Variants in PTPRT observed in about 807,000 individuals in gnomAD.
PTPRT encodes receptor-type tyrosine-protein phosphatase T.
A neutral mutation model predicts 176.8 loss-of-function variants in PTPRT; 56 were observed. The ratio of observed to expected loss-of-function variants is 0.32; its 90% confidence interval spans 0.26 to 0.40. PTPRT has a LOEUF of 0.40. Ranked by LOEUF, PTPRT falls within the 10% of genes least tolerant of loss-of-function variation. The pLI, the probability that PTPRT is intolerant of heterozygous loss-of-function variation, is 1.00. For synonymous variants in PTPRT, 783 were observed against 739.0 expected, an observed-to-expected ratio of 1.06 and a Z score of -0.96; for missense variants, 1,540 against 1,908.2, an observed-to-expected ratio of 0.81 and a Z score of 3.60.
At chr20:42,756,402 T>G in intron 6 of PTPRT, 60 bp downstream of exon 6, 1 of 1,432,554 alleles carries the variant, frequency 7.0e-7, no homozygotes, top group Admixed American at 2.6e-5. Flanking sequence ...GAAAAGGGGC[T>G]TTAAGGCCCA....
chr20:42,086,753 A>AAAATATATATATATATATATATATATAT (rs1983991312), intron 27 of PTPRT, among the ~76,000 whole-genome samples: 1 of 95,514 alleles, frequency 1.0e-5, no homozygotes, highest in African/African-American at 4.9e-5. Context: ...AAAAAAAAAA[A>AAAATATATATATATATATATATATATAT]ATATATATAT....
Position 42,106,872 on chromosome 20 carries a change from C to G in PTPRT, c.3304G>C (p.Asp1102His). 6.2e-7 allele frequency: 1 copy of G among 1,614,158 alleles called. No homozygotes were observed. The highest frequency in any genetic ancestry group is 1.1e-5 in the South Asian group (1 of 91,076). The change falls in exon 24 of 31, where the codon GAC becomes CAC. Residue 1102 changes from aspartate to histidine, a missense_variant. Asp to His is a moderately conservative substitution (Grantham distance 81). Around this residue, in one of 11 missense-constraint regions of PTPRT, gnomAD observed 248 missense variants for 356.7 expected, o/e 0.70. Transcript: ENST00000373187. ...GCFIAIDTML[D>H]MAENEGVVDI... Reference sequence around the variant, plus strand: ...ACCACCCCTTCATTCTCGGCCATGTCAAGCATGGTGTCAATGGCAATGAAG... The same window carrying G: ...ACCACCCCTTCATTCTCGGCCATGTGAAGCATGGTGTCAATGGCAATGAAG...
At chr20:42,874,422 G>A (rs2078896536) in intron 2 of PTPRT, among the ~76,000 whole-genome samples, 1 of 150,400 alleles carries the variant, frequency 6.6e-6, no homozygotes, top group Admixed American at 6.7e-5. Context: ...TTTTTCCAGT[G>A]AGAAGACATC....
chr20:42,508,211 A>T (rs1193269625), intron 7 of PTPRT, among the ~76,000 whole-genome samples: 4 of 150,148 alleles, frequency 2.7e-5, no homozygotes, highest in Non-Finnish European at 4.4e-5. Flanking sequence ...AAAAAAAAAG[A>T]CTAAGGTAGA....
At chr20:42,606,186 T>G (rs1318790826) in intron 7 of PTPRT, among the ~76,000 whole-genome samples, 1 of 152,146 alleles carries the variant, frequency 6.6e-6, no homozygotes, top group African/African-American at 2.4e-5. Flanking sequence ...CACTCACCTC[T>G]AATTCCCTGA....
chr20:43,082,269 C>T (rs946074300), intron 1 of PTPRT, among the ~76,000 whole-genome samples: 4 of 148,248 alleles, frequency 2.7e-5, no homozygotes, highest in Non-Finnish European at 4.4e-5. Flanking sequence ...GATTTCCTCA[C>T]CCTATTTTGT....
At chr20:43,115,170 C>T (rs1001928286) in intron 1 of PTPRT, among the ~76,000 whole-genome samples, 1 of 152,204 alleles carries the variant, frequency 6.6e-6, no homozygotes, top group Non-Finnish European at 1.5e-5. Context: ...CTGAGAAGGA[C>T]ATGGCCTCCT....
chr20:42,600,343 T>C lies in PTPRT; in HGVS notation c.1153+77523A>G, dbSNP rs568611425. On this transcript the variant is annotated intron_variant, in intron 7 of 30. Transcript: ENST00000373187. ...TTAGTAGAGACGGGGTTTCACCGCG[T>C]TGGCGAAGCTGGTCTTGAACTCCTG... is the stretch of plus-strand genomic sequence containing the variant. Among the ~76,000 whole-genome samples, 8 of 152,324 alleles carry C rather than the reference T, an allele frequency of 5.3e-5. No homozygotes were observed. The East Asian group carries it at 1.4e-3, about 26-fold the overall frequency.
At chr20:42,235,109 C>T (rs2056214225) in intron 15 of PTPRT, among the ~76,000 whole-genome samples, 1 of 152,152 alleles carries the variant, frequency 6.6e-6, no homozygotes. Flanking sequence ...TCCCTACAAC[C>T]TCTCAATTTC....
intron 27 of PTPRT, among the ~76,000 whole-genome samples, chr20:42,091,270 G>A (rs1984590069): frequency 1.3e-5 from 2 of 152,326 alleles, no homozygotes; most frequent in South Asian, 4.1e-4. Flanking sequence ...CTTGGGGGGT[G>A]CAAGTTCACG....
At chr20:42,916,584 G>C (rs1182493296) in intron 1 of PTPRT, among the ~76,000 whole-genome samples, 3 of 152,208 alleles carry the variant, frequency 2.0e-5, no homozygotes, top group Non-Finnish European at 4.4e-5. Flanking sequence ...CCCACCAACA[G>C]TGTAAAAGTG....
intron 7 of PTPRT, among the ~76,000 whole-genome samples, chr20:42,494,134 T>C (rs536958156): frequency 6.6e-6 from 1 of 152,302 alleles, no homozygotes; most frequent in South Asian, 2.1e-4. Context: ...AGTGAGTTAT[T>C]GTCATGTTAA....
chr20:42,622,602 G>A (rs989604059), intron 7 of PTPRT, among the ~76,000 whole-genome samples: 7 of 151,812 alleles, frequency 4.6e-5, no homozygotes, highest in African/African-American at 1.7e-4. Flanking sequence ...ACTCAGCTTG[G>A]TCTTTGGCTC....
chr20:42,956,633 A>G (rs1038243488), intron 1 of PTPRT, among the ~76,000 whole-genome samples: 2 of 152,002 alleles, frequency 1.3e-5, no homozygotes, highest in Admixed American at 1.3e-4. Context: ...TCTTTCAGCA[A>G]TGCAAGAATG....
At chr20:42,110,838 G>A (rs1490559819) in intron 22 of PTPRT, among the ~76,000 whole-genome samples, 1 of 152,052 alleles carries the variant, frequency 6.6e-6, no homozygotes, top group Non-Finnish European at 1.5e-5. Context: ...TATTGAGTAC[G>A]GATTTAAAGA....
At chr20:42,209,059 C>T (rs1168690851) in intron 15 of PTPRT, among the ~76,000 whole-genome samples, 4 of 152,202 alleles carry the variant, frequency 2.6e-5, no homozygotes, top group East Asian at 1.9e-4. Flanking sequence ...GGGTACATAA[C>T]GAAATGAAGG....
At chr20:42,930,601 G>C (rs1979778605) in intron 1 of PTPRT, among the ~76,000 whole-genome samples, 1 of 152,118 alleles carries the variant, frequency 6.6e-6, no homozygotes, top group African/African-American at 2.4e-5. Context: ...TCCTGCCTCA[G>C]CCTCCCAAGT....
In PTPRT at chr20:42,128,849, T is replaced by C. The variant is rs763435560; in HGVS notation, c.2771-19A>G. The C allele has an allele frequency of 3.1e-6, 5 of 1,592,090 alleles. No homozygotes were observed. In the African/African-American group the frequency reaches 5.4e-5, roughly 17 times the overall value. On this transcript the variant is annotated intron_variant, in intron 18 of 30. Transcript: ENST00000373187. Reference sequence around the variant, plus strand: ...TGGTCGTCTGCAGAGAGAGCAGAAATCAAGGGGATGGTTGATAAGAGGCCT... The same window carrying C: ...TGGTCGTCTGCAGAGAGAGCAGAAACCAAGGGGATGGTTGATAAGAGGCCT...
At chr20:42,237,882 T>C (rs2056276222) in intron 14 of PTPRT, among the ~76,000 whole-genome samples, 1 of 152,242 alleles carries the variant, frequency 6.6e-6, no homozygotes, top group Non-Finnish European at 1.5e-5. Flanking sequence ...AATGGTTTCC[T>C]TTTTTCTTGA....
Sources: allele counts gnomAD v4.1 joint callset (sites outside exome capture counted in the v4.1 genomes callset), GRCh38; gene constraint gnomAD v4.1.1; regional missense constraint gnomAD v4.1.1; transcripts MANE v1.5; gene names NCBI Gene and HGNC (gene_info 2026-07-23, HGNC 2026-07-21).